SHROOM2: variants seen among roughly 807,000 people sequenced by gnomAD.
The protein encoded by SHROOM2 is protein Shroom2.
In SHROOM2, 33 loss-of-function variants were observed where a neutral mutation model predicts 75.9. The ratio of observed to expected loss-of-function variants is 0.43; its 90% CI spans 0.33 to 0.58. The LOEUF (loss-of-function observed/expected upper bound fraction) is 0.58, where lower values mean the gene tolerates loss of function less well. Among genes scored for constraint, SHROOM2 ranks in the 20% least tolerant of loss-of-function variants. The pLI, the probability that SHROOM2 is intolerant of heterozygous loss-of-function variation, is 0.04. For missense variants in SHROOM2, 1,434 were observed against 1,461.2 expected (o/e 0.98, Z 0.30); for synonymous variants, 655 against 663.6 (o/e 0.99, Z 0.20).
At chrX:9,860,114 G>A (rs1347145728) in intron 1 of SHROOM2, among the ~76,000 whole-genome samples, 1 of 111,632 alleles carries the variant, frequency 9.0e-6, no homozygotes, top group African/African-American at 3.3e-5. Context: ...ATTTGAATTG[G>A]TCACAACTCG....
At chrX:9,860,348 G>T (rs979286677) in intron 1 of SHROOM2, among the ~76,000 whole-genome samples, 1 of 111,995 alleles carries the variant, frequency 8.9e-6, no homozygotes, top group Non-Finnish European at 1.9e-5. Context: ...GATGGTCCTG[G>T]TATGCACATT....
At chrX:9,830,584 CTTTTTTTTTTTTTTTTTT>C (rs1166769024) in intron 1 of SHROOM2, among the ~76,000 whole-genome samples, 6 of 33,646 alleles carry the variant, frequency 1.8e-4, no homozygotes, top group African/African-American at 4.8e-4. Context: ...CCCCTGGTTT[CTTTTTTTTTTTTTTTTTT>C]TTTTTTTTTT....
At chrX:9,866,028 A>G (rs1331936383) in intron 1 of SHROOM2, among the ~76,000 whole-genome samples, 1 of 105,722 alleles carries the variant, frequency 9.5e-6, no homozygotes, top group Non-Finnish European at 1.9e-5. Context: ...ATGAATCTGG[A>G]TGCACCGCAA....
At chrX:9,879,168 G>A (rs2084218012) in intron 2 of SHROOM2, among the ~76,000 whole-genome samples, 2 of 111,674 alleles carry the variant, frequency 1.8e-5, no homozygotes, top group African/African-American at 6.5e-5. Flanking sequence ...AAACTCCTGG[G>A]CTCAAGTGAT....
At chrX:9,910,555 G>A (rs968720629) in intron 5 of SHROOM2, among the ~76,000 whole-genome samples, 1 of 110,030 alleles carries the variant, frequency 9.1e-6, no homozygotes, top group Non-Finnish European at 1.9e-5. Flanking sequence ...AGTGGCTCAC[G>A]CCTGTAATCC....
intron 1 of SHROOM2, among the ~76,000 whole-genome samples, chrX:9,861,986 G>A (rs1488853587): frequency 9.0e-6 from 1 of 111,714 alleles, no homozygotes; most frequent in East Asian, 2.8e-4. Flanking sequence ...TGGAACAGGA[G>A]TGCTTCATAG....
chrX:9,855,671 C>T (rs976236315), intron 1 of SHROOM2, among the ~76,000 whole-genome samples: 3 of 111,767 alleles, frequency 2.7e-5, no homozygotes, highest in African/African-American at 9.8e-5. Flanking sequence ...TGAGACTTTG[C>T]CAAGGAAAGT....
Position 9,939,217 on chromosome X carries a change from G to A in SHROOM2, c.4162G>A (p.Ala1388Thr). 2 of 1,208,283 alleles carry A rather than the reference G, an allele frequency of 1.7e-6. No homozygotes were observed. Among genetic ancestry groups the A allele is most frequent in the South Asian group, 1.8e-5 (1 of 56,217 alleles). Reference protein sequence around the residue: ...EERKEEPSVPAAVSLATNSTY... With the variant: ...EERKEEPSVPTAVSLATNSTY... ...CAGGAAAGAGGAGCCCAGCGTGCCTGCGGCCGTGTCCCTGGCCACCAATTC... is the reference window on the plus strand; with the variant it reads ...CAGGAAAGAGGAGCCCAGCGTGCCTACGGCCGTGTCCCTGGCCACCAATTC... The change falls in exon 8 of 10, where the codon GCG (alanine) becomes ACG (threonine). Residue 1388 changes from alanine (A) to threonine (T), a missense_variant. Ala to Thr is a moderately conservative substitution (Grantham distance 58). Around this residue, in one of 3 missense-constraint regions of SHROOM2, gnomAD observed 1,340 missense variants for 1,338.3 expected, o/e 1.00. Transcript: ENST00000380913.
At chrX:9,855,981 T>A (rs1192742341) in intron 1 of SHROOM2, among the ~76,000 whole-genome samples, 1 of 110,355 alleles carries the variant, frequency 9.1e-6, no homozygotes, top group Non-Finnish European at 1.9e-5. Flanking sequence ...AAGAATTAAT[T>A]ACTTTGAATG....
intron 1 of SHROOM2, among the ~76,000 whole-genome samples, chrX:9,862,716 G>A (rs1371221865): frequency 8.9e-6 from 1 of 112,338 alleles, no homozygotes; most frequent in Non-Finnish European, 1.9e-5. Flanking sequence ...CTCTGCTGAT[G>A]GTGCTCACCA....
At chrX:9,819,696 C>G (rs977264212) in intron 1 of SHROOM2, among the ~76,000 whole-genome samples, 2 of 111,581 alleles carry the variant, frequency 1.8e-5, no homozygotes, top group Non-Finnish European at 3.8e-5. Flanking sequence ...GAAGGCCTCC[C>G]TGCTCTCCCA....
chrX:9,919,971 A>G (rs927827528), intron 5 of SHROOM2, among the ~76,000 whole-genome samples: 1 of 107,274 alleles, frequency 9.3e-6, no homozygotes, highest in South Asian at 4.0e-4. Flanking sequence ...TCAACTCACT[A>G]TAACTCAGAC....
At position 9,825,106 on chromosome X, in the gene SHROOM2, G is replaced by A. The variant is rs755160827; in HGVS notation, c.165+38396G>A. Reference sequence around the variant, plus strand: ...TCATTCTTCTTACATTGGAAGCTTTGGAAAAATCTCCCTAAATATCAAAAT... The same window carrying A: ...TCATTCTTCTTACATTGGAAGCTTTAGAAAAATCTCCCTAAATATCAAAAT... On this transcript the variant is annotated intron_variant, in intron 1 of 9. Transcript: ENST00000380913. Among the ~76,000 whole-genome samples, 16 of 111,553 alleles carry A rather than the reference G, an allele frequency of 1.4e-4. No homozygotes were observed. In the South Asian group the frequency reaches 5.9e-3, roughly 41 times the overall value.
intron 1 of SHROOM2, among the ~76,000 whole-genome samples, chrX:9,871,113 AC>A (rs1197352107): frequency 9.0e-6 from 1 of 110,800 alleles, no homozygotes; most frequent in Non-Finnish European, 1.9e-5. Context: ...GAATCCCTGG[AC>A]CCCCAGATGT....
chrX:9,914,179 G>T (rs1221779114), intron 5 of SHROOM2, among the ~76,000 whole-genome samples: 1 of 104,997 alleles, frequency 9.5e-6, no homozygotes, highest in Non-Finnish European at 1.9e-5. Context: ...AACACACACA[G>T]AGTTTTTTAC....
At chrX:9,875,411 G>A (rs1174829584) in intron 2 of SHROOM2, among the ~76,000 whole-genome samples, 2 of 111,168 alleles carry the variant, frequency 1.8e-5, no homozygotes, top group African/African-American at 6.5e-5. Flanking sequence ...GAGGTAAGAC[G>A]AGGAGTTATA....
Position 9,835,651 on chromosome X carries a change from A to G in SHROOM2, c.166-38001A>G, listed in dbSNP as rs780200991. On this transcript the variant is annotated intron_variant, in intron 1 of 9. Transcript: ENST00000380913. ...CAAACTTTTAAGGCTTTGGGAGAGC[A>G]CCTGCCCTGCCCTAGGGGGGTACTG... Among the ~76,000 whole-genome samples the G allele has an allele frequency of 7.1e-3, 786 of 111,341 alleles. 3 individuals carry two copies. The highest frequency in any genetic ancestry group is 0.025 in the African/African-American group (755 of 30,663).
intron 1 of SHROOM2, among the ~76,000 whole-genome samples, chrX:9,830,742 C>T (rs1267491416): frequency 9.2e-6 from 1 of 108,380 alleles, no homozygotes; most frequent in Non-Finnish European, 1.9e-5. Context: ...GCTGGGATTA[C>T]AGGCATGCAC....
chrX:9,925,179 A>G (rs1210543498), intron 5 of SHROOM2, among the ~76,000 whole-genome samples: 1 of 111,627 alleles, frequency 9.0e-6, no homozygotes, highest in African/African-American at 3.3e-5. Flanking sequence ...GTGCCTCCCC[A>G]AGGGTGTGTG....
Sources: allele counts gnomAD v4.1 joint callset (sites outside exome capture counted in the v4.1 genomes callset), GRCh38; gene constraint gnomAD v4.1.1; regional missense constraint gnomAD v4.1.1; transcripts MANE v1.5; gene names NCBI Gene and HGNC (gene_info 2026-07-23, HGNC 2026-07-21).